The following STAC variants were observed in gnomAD, a reference collection of about 807,000 sequenced individuals.
STAC encodes the protein SH3 and cysteine-rich domain-containing protein.
Under a neutral mutation model 48.8 loss-of-function variants are expected in STAC, and 43 were observed. That is an observed-to-expected ratio of 0.88 (90% CI 0.69 to 1.14). The LOEUF (loss-of-function observed/expected upper bound fraction) is 1.14, where lower values mean the gene tolerates loss of function less well. Among genes scored for constraint, STAC ranks in the 50% most tolerant of loss-of-function variants. The pLI is 0.00. For missense variants in STAC, 497 were observed against 504.0 expected (o/e 0.99, Z 0.13); for synonymous variants, 193 against 179.5 (o/e 1.07, Z -0.60).
intron 6 of STAC, among the ~76,000 whole-genome samples, chr3:36,494,830 C>G (rs1281799050): frequency 6.6e-6 from 1 of 152,252 alleles, no homozygotes; most frequent in Non-Finnish European, 1.5e-5. Flanking sequence ...GTCAGCAGCA[C>G]AGCAGGGCCA....
At chr3:36,477,696 T>A (rs1697529388) in intron 2 of STAC, among the ~76,000 whole-genome samples, 1 of 152,212 alleles carries the variant, frequency 6.6e-6, no homozygotes, top group African/African-American at 2.4e-5. Flanking sequence ...TGTATTGGAT[T>A]ACATTGATCC....
intron 10 of STAC, among the ~76,000 whole-genome samples, chr3:36,531,121 A>G (rs942357951): frequency 2.0e-5 from 3 of 152,200 alleles, no homozygotes; most frequent in Non-Finnish European, 4.4e-5. Context: ...TGGCACTTTC[A>G]TAAATGCTGG....
At chr3:36,432,856 G>A (rs1314701281) in intron 1 of STAC, among the ~76,000 whole-genome samples, 1 of 152,084 alleles carries the variant, frequency 6.6e-6, no homozygotes, top group Non-Finnish European at 1.5e-5. Flanking sequence ...CATAAAATAG[G>A]GACAATAATA....
chr3:36,530,043 C>G (rs955528670), intron 10 of STAC, among the ~76,000 whole-genome samples: 6 of 152,142 alleles, frequency 3.9e-5, no homozygotes, highest in Non-Finnish European at 8.8e-5. Context: ...TCTCTTGAAC[C>G]AGGGAGGTGG....
intron 1 of STAC, among the ~76,000 whole-genome samples, chr3:36,383,051 G>A (rs1699546488): frequency 6.6e-6 from 1 of 152,112 alleles, no homozygotes; most frequent in African/African-American, 2.4e-5. Flanking sequence ...AATACTCTTT[G>A]TAGATATTTG....
chr3:36,446,396 G>A (rs1696510100), intron 2 of STAC, among the ~76,000 whole-genome samples: 1 of 152,190 alleles, frequency 6.6e-6, no homozygotes, highest in African/African-American at 2.4e-5. Flanking sequence ...CTTAGTCTAA[G>A]AGACTTCTGA....
intron 1 of STAC, among the ~76,000 whole-genome samples, chr3:36,382,562 C>T (rs976525569): frequency 1.3e-5 from 2 of 152,152 alleles, no homozygotes; most frequent in African/African-American, 4.8e-5. Flanking sequence ...CCTCAGTAAG[C>T]TTAATTAGTG....
In STAC at chr3:36,547,280, C is replaced by T. The variant is rs371530678; in HGVS notation, c.*991C>T. 2.0e-5 allele frequency: 3 copies of T among 152,600 alleles called. No homozygotes were observed. The East Asian group carries it at 5.8e-4, about 29-fold the overall frequency. The allele number at this position is 152,600 out of a possible 1,614,324, so 9.5% of individuals were successfully genotyped here. On this transcript the variant is annotated 3_prime_UTR_variant, in exon 11 of 11. Coordinates refer to ENST00000273183, the MANE Select transcript of STAC (RefSeq NM_003149.3). ...AGGGAACTAGGAACATGGAGGGGAA[C>T]CAACAACAGCATCTTAGAAGAAATG...
chr3:36,527,918 T>C (rs1698974728), intron 8 of STAC, among the ~76,000 whole-genome samples: 1 of 151,498 alleles, frequency 6.6e-6, no homozygotes. Flanking sequence ...ACAGGAAAAA[T>C]GGAGCTAAGC....
At chr3:36,532,603 T>C (rs1167639702) in intron 10 of STAC, among the ~76,000 whole-genome samples, 1 of 152,158 alleles carries the variant, frequency 6.6e-6, no homozygotes, top group Non-Finnish European at 1.5e-5. Flanking sequence ...TAAAGAGCAG[T>C]GGCATCCAAA....
At chr3:36,522,844 G>A (rs1698838327) in intron 8 of STAC, among the ~76,000 whole-genome samples, 1 of 152,142 alleles carries the variant, frequency 6.6e-6, no homozygotes, top group Admixed American at 6.6e-5. Context: ...GGCTGGGCTG[G>A]GCGGGGGATG....
In STAC at chr3:36,486,191, C is replaced by A; in HGVS notation, c.629C>A (p.Ala210Asp). The change falls in exon 5 of 11, where the codon GCC (alanine) becomes GAC (aspartate). Residue 210 changes from alanine to aspartate, a missense_variant. Physicochemically the swap from Ala to Asp is moderately radical, Grantham distance 126 (BLOSUM62 -2). Transcript: ENST00000273183. ...YETLRFGTSL[A>D]QRTKKGSSGS... ...ACCCTCCGCTTCGGCACCTCCCTGG[C>A]CCAGAGGACAAAGAAGGGCAGCTCC... The A allele has an allele frequency of 6.2e-7, 1 of 1,613,974 alleles. No individual in the cohort carries two copies. Among genetic ancestry groups the A allele is most frequent in the African/African-American group, 1.3e-5 (1 of 75,040 alleles).
Position 36,443,578 on chromosome 3 carries a change from C to T in STAC, c.326C>T (p.Ala109Val), listed in dbSNP as rs191662262. The change falls in exon 2 of 11, where the codon GCC becomes GTC. Residue 109 changes from alanine to valine, a missense_variant. Physicochemically the swap from Ala to Val is moderately conservative, Grantham distance 64. Coordinates refer to ENST00000273183, the MANE Select transcript of STAC (RefSeq NM_003149.3). This position sits in a 1 kb window ranked among gnomAD's most constrained non-coding sequence, Gnocchi z 4.2. The stretch of plus-strand genomic sequence containing the variant: ...CTGCATCCAGGTGGCAAGGCTCATG[C>T]CTTTCAGGAATACATCTTCAAGAAG... Reference protein sequence around the residue: ...AGLHPGGKAHAFQEYIFKKPT... With the variant: ...AGLHPGGKAHVFQEYIFKKPT... 9 of 1,614,170 alleles carry T rather than the reference C, an allele frequency of 5.6e-6. No homozygotes were observed. Among genetic ancestry groups the T allele is most frequent in the Middle Eastern group, 1.6e-4 (1 of 6,062 alleles).
At position 36,420,127 on chromosome 3, in the gene STAC, G is replaced by C. The variant is rs74877783; in HGVS notation, c.112-23237G>C. Among the ~76,000 whole-genome samples, 206 of 152,196 alleles carry C rather than the reference G, an allele frequency of 1.4e-3. 4 individuals carry two copies. The East Asian group carries it at 0.032, about 24-fold the overall frequency. On this transcript the variant is annotated intron_variant, in intron 1 of 10. Transcript: ENST00000273183. ...CTATGTACCTCTACAGTATTAGTTA[G>C]CACTGAGAATAGAATAACACATCCT...
chr3:36,546,389 GC>G lies in STAC; in HGVS notation c.*106del. 5.0e-6 allele frequency: 5 copies of G among 993,832 alleles called. No homozygotes were observed. The highest frequency in any genetic ancestry group is 4.7e-6 in the Non-Finnish European group (3 of 633,920). The allele number at this position is 993,832 out of a possible 1,614,324, so 61.6% of individuals were successfully genotyped here. On this transcript the variant is annotated 3_prime_UTR_variant, in exon 11 of 11. Coordinates refer to ENST00000273183, the MANE Select transcript of STAC (RefSeq NM_003149.3). ...CCAAAGGAGCTGCCGCACTGACCCAGCCCCCCAGGAAACAGTGAGACAAGAA... is the reference window on the plus strand; with the variant it reads ...CCAAAGGAGCTGCCGCACTGACCCAGCCCCCAGGAAACAGTGAGACAAGAA...
At chr3:36,466,788 G>GT (rs1292234583) in intron 2 of STAC, among the ~76,000 whole-genome samples, 2 of 152,136 alleles carry the variant, frequency 1.3e-5, no homozygotes, top group South Asian at 2.1e-4. Context: ...TGTATCATCA[G>GT]CAAATAGCGA....
At chr3:36,502,512 G>C (rs772191828) in intron 6 of STAC, among the ~76,000 whole-genome samples, 2 of 152,124 alleles carry the variant, frequency 1.3e-5, no homozygotes, top group Admixed American at 6.5e-5. Flanking sequence ...TGGCCAGAGG[G>C]AGATTCAATA....
chr3:36,481,454 G>A (rs1187461559), intron 2 of STAC, among the ~76,000 whole-genome samples: 1 of 152,206 alleles, frequency 6.6e-6, no homozygotes, highest in Non-Finnish European at 1.5e-5. Context: ...GCTAGATGGT[G>A]AAGCAATTGT....
At chr3:36,398,332 A>AAAGAAAGAAAGC (rs1699901059) in intron 1 of STAC, among the ~76,000 whole-genome samples, 5 of 129,762 alleles carry the variant, frequency 3.9e-5, no homozygotes, top group Non-Finnish European at 1.8e-5. Context: ...AGAAAGAAAG[A>AAAGAAAGAAAGC]AAGAAAGAAA....
Sources: allele counts gnomAD v4.1 joint callset (sites outside exome capture counted in the v4.1 genomes callset), GRCh38; gene constraint gnomAD v4.1.1; non-coding constraint Gnocchi (gnomAD v3.1); transcripts MANE v1.5; gene names NCBI Gene and HGNC (gene_info 2026-07-23, HGNC 2026-07-21).